The following CLEC19A variants were observed in gnomAD, a reference collection of about 807,000 sequenced individuals.
CLEC19A encodes the protein C-type lectin domain containing 19A, also known as C-type lectin domain family 19 member A.
A neutral mutation model predicts 26.1 loss-of-function variants in CLEC19A; 21 were observed. The observed-to-expected ratio is 0.80, with a 90% CI of 0.57 to 1.16. The LOEUF (loss-of-function observed/expected upper bound fraction) is 1.16. Among genes scored for constraint, CLEC19A ranks in the 50% most tolerant of loss-of-function variants. CLEC19A has a pLI of 0.00. For synonymous variants in CLEC19A, 89 were observed against 88.6 expected, an observed-to-expected ratio of 1.00 and a Z score of -0.03; for missense variants, 224 against 227.6, an observed-to-expected ratio of 0.98 and a Z score of 0.10.
chr16:19,289,273 G>C (rs957157612), intron 1 of CLEC19A, among the ~76,000 whole-genome samples: 7 of 152,178 alleles, frequency 4.6e-5, no homozygotes, highest in African/African-American at 1.7e-4. Flanking sequence ...CATACTTCTA[G>C]AATACTTAGT....
chr16:19,304,159 A>G lies in CLEC19A; in HGVS notation c.348+4A>G. The G allele has an allele frequency of 6.5e-7, 1 of 1,550,318 alleles. No homozygotes were observed. On this transcript the variant is annotated splice_donor_region_variant and intron_variant, in intron 3 of 4. Transcript: ENST00000636231. The stretch of plus-strand genomic sequence containing the variant: ...AGGCCTTCATGATCACAGACAGGTG[A>G]GAAAGCAGTGGCCATTGGGCCCCCT...
chr16:19,288,260 A>C (rs1440004316), intron 1 of CLEC19A, among the ~76,000 whole-genome samples: 1 of 152,128 alleles, frequency 6.6e-6, no homozygotes, highest in East Asian at 1.9e-4. Flanking sequence ...ACACAGAGGG[A>C]ATGTGTGTGA....
intron 3 of CLEC19A, among the ~76,000 whole-genome samples, chr16:19,306,790 AGGTTGC>A: frequency 6.6e-6 from 1 of 152,278 alleles, no homozygotes; most frequent in Non-Finnish European, 1.5e-5. Flanking sequence ...TAACTTGCCC[AGGTTGC>A]AGAGCTAGGC....
chr16:19,287,708 G>C (rs974918202), intron 1 of CLEC19A, among the ~76,000 whole-genome samples: 2 of 152,124 alleles, frequency 1.3e-5, no homozygotes, highest in African/African-American at 4.8e-5. Flanking sequence ...TGTGCCCATG[G>C]GACCTCTCTG....
At chr16:19,288,101 G>T (rs1056774091) in intron 1 of CLEC19A, among the ~76,000 whole-genome samples, 2 of 152,150 alleles carry the variant, frequency 1.3e-5, no homozygotes, top group African/African-American at 2.4e-5. Context: ...CCATATTAAG[G>T]CTATGGAAAC....
chr16:19,291,738 G>T (rs1350470652), intron 1 of CLEC19A, among the ~76,000 whole-genome samples: 1 of 152,172 alleles, frequency 6.6e-6, no homozygotes. Context: ...AGGAGGAGGG[G>T]GAAATGCCGT....
rs777703398 is a variant in CLEC19A, at chr16:19,298,804, G to A, written c.220G>A (p.Gly74Ser). The A allele has an allele frequency of 1.3e-6, 2 of 1,550,416 alleles. No homozygotes were observed. The highest frequency in any genetic ancestry group is 1.7e-6 in the Non-Finnish European group (2 of 1,146,960). The change falls in exon 2 of 5, where the codon GGC becomes AGC. Residue 74 changes from glycine to serine, a missense_variant. Gly to Ser is a moderately conservative substitution (Grantham distance 56). Transcript: ENST00000636231. ...CCTCTACTGTTCTGAGTTCTCTGTG[G>A]GCAGGAAGTCCGCCAAGCTGGCCTC... ...ADLYCSEFSV[G>S]RKSAKLASIH...
Position 19,294,315 on chromosome 16 carries a change from A to AG in CLEC19A, c.89-4351dup, listed in dbSNP as rs752201692. 6.8e-4 allele frequency among the ~76,000 whole-genome samples: 103 copies of AG among 152,258 alleles called. 1 individual carries two copies. The highest frequency in any genetic ancestry group is 2.4e-4 in the Non-Finnish European group (16 of 68,006). On this transcript the variant is annotated intron_variant, in intron 1 of 4. Coordinates refer to ENST00000636231, the MANE Select transcript of CLEC19A (RefSeq NM_001256720.2). ...GTTAGACTGGACTTCTAAGGAAGTG[A>AG]GGGGGGGTGCCCAGGGGCCAGAAAC...
At chr16:19,305,788 G>T (rs1048539095) in intron 3 of CLEC19A, among the ~76,000 whole-genome samples, 1 of 152,136 alleles carries the variant, frequency 6.6e-6, no homozygotes, top group African/African-American at 2.4e-5. Flanking sequence ...TCTTAAAGTA[G>T]CAGAAGTAAC....
At chr16:19,291,131 T>C (rs2143008724) in intron 1 of CLEC19A, among the ~76,000 whole-genome samples, 1 of 152,346 alleles carries the variant, frequency 6.6e-6, no homozygotes, top group Admixed American at 6.5e-5. Flanking sequence ...CATGAGCCAC[T>C]GCACCTGGCC....
intron 1 of CLEC19A, among the ~76,000 whole-genome samples, chr16:19,298,321 C>T (rs1257622958): frequency 6.6e-6 from 1 of 150,734 alleles, no homozygotes; most frequent in Non-Finnish European, 1.5e-5. Context: ...GAGGCTGAAG[C>T]AGGAGGATCA....
At chr16:19,300,635 A>G (rs1452151429) in intron 2 of CLEC19A, among the ~76,000 whole-genome samples, 1 of 152,174 alleles carries the variant, frequency 6.6e-6, no homozygotes, top group Non-Finnish European at 1.5e-5. Flanking sequence ...CAACAGATGT[A>G]TTGAACAACC....
Position 19,291,096 on chromosome 16 carries a change from G to A in CLEC19A, c.88+5157G>A, listed in dbSNP as rs190175028. Among the ~76,000 whole-genome samples, 7 of 152,292 alleles carry A rather than the reference G, an allele frequency of 4.6e-5. No homozygotes were observed. In the East Asian group the frequency reaches 1.3e-3, roughly 29 times the overall value. The stretch of plus-strand genomic sequence containing the variant: ...GGCCTCAAACGATCCTCCTGCCTTT[G>A]CCTCCCAAAGTCTGGGATTACAGGC... On this transcript the variant is annotated intron_variant, in intron 1 of 4. Coordinates refer to ENST00000636231, the MANE Select transcript of CLEC19A (RefSeq NM_001256720.2).
intron 3 of CLEC19A, 26 bp from the exon 4 acceptor site, chr16:19,307,519 T>C (rs1897981905): frequency 2.6e-6 from 4 of 1,546,592 alleles, no homozygotes; most frequent in Non-Finnish European, 3.5e-6. Context: ...CTTGCTTCTT[T>C]GTCTCTTTGG....
intron 2 of CLEC19A, among the ~76,000 whole-genome samples, chr16:19,302,584 A>C (rs1213624213): frequency 1.3e-5 from 2 of 152,204 alleles, no homozygotes; most frequent in Non-Finnish European, 2.9e-5. Flanking sequence ...GATTTCTTTG[A>C]CATACTAAAG....
intron 1 of CLEC19A, among the ~76,000 whole-genome samples, chr16:19,290,592 G>A (rs1897563497): frequency 6.6e-6 from 1 of 152,206 alleles, no homozygotes; most frequent in African/African-American, 2.4e-5. Context: ...CCACTTTTAG[G>A]TGTTCCTGTG....
chr16:19,299,734 C>G, intron 2 of CLEC19A, among the ~76,000 whole-genome samples: 1 of 152,230 alleles, frequency 6.6e-6, no homozygotes, highest in Admixed American at 6.5e-5. Context: ...GGCACACTCC[C>G]TTTATCACAG....
chr16:19,286,931 T>A (rs1393392099), intron 1 of CLEC19A, among the ~76,000 whole-genome samples: 1 of 152,076 alleles, frequency 6.6e-6, no homozygotes, highest in Non-Finnish European at 1.5e-5. Flanking sequence ...TATTTCTTAG[T>A]GTAAGCATGC....
At chr16:19,299,993 G>A (rs1205483028) in intron 2 of CLEC19A, among the ~76,000 whole-genome samples, 2 of 152,094 alleles carry the variant, frequency 1.3e-5, no homozygotes, top group Non-Finnish European at 2.9e-5. Flanking sequence ...GGAGGCCGAG[G>A]CAGGCAGATC....
Sources: gnomAD v4.1 joint callset for allele counts (sites outside exome capture counted in the v4.1 genomes callset) on GRCh38, gnomAD v4.1.1 for gene constraint, MANE v1.5 for transcripts, NCBI Gene and HGNC (gene_info 2026-07-23, HGNC 2026-07-21) for gene names.